The following TGFBR2 variants were observed in gnomAD, a reference collection of about 807,000 sequenced individuals.
TGFBR2 encodes transforming growth factor beta receptor 2, also known as TGF-beta receptor type-2.
Under a neutral mutation model 49.0 loss-of-function variants are expected in TGFBR2, and 18 were observed. The ratio of observed to expected loss-of-function variants is 0.37; its 90% confidence interval spans 0.25 to 0.54. The LOEUF (loss-of-function observed/expected upper bound fraction) is 0.54. TGFBR2 is among the 20% of genes least tolerant of loss of function. The probability of loss-of-function intolerance (pLI) is 0.85; values close to 1 mark genes in which losing one functional copy is unlikely to be tolerated. For synonymous variants in TGFBR2, 282 were observed against 275.9 expected (o/e 1.02, Z -0.22); for missense variants, 525 against 722.6 (o/e 0.73, Z 3.13).
intron 5 of TGFBR2, among the ~76,000 whole-genome samples, chr3:30,675,586 C>T (rs1001405227): frequency 2.0e-5 from 3 of 152,090 alleles, no homozygotes; most frequent in African/African-American, 4.8e-5. Flanking sequence ...AGGGTTACAC[C>T]GTGTTGATCA....
chr3:30,654,449 G>A (rs1698958597), intron 3 of TGFBR2, among the ~76,000 whole-genome samples: 1 of 152,194 alleles, frequency 6.6e-6, no homozygotes, highest in Non-Finnish European at 1.5e-5. Flanking sequence ...ACCAAGGGCA[G>A]GCAGGGGTCA....
At chr3:30,666,632 A>AC (rs1233196050) in intron 3 of TGFBR2, among the ~76,000 whole-genome samples, 10 of 30,390 alleles carry the variant, frequency 3.3e-4, no homozygotes, top group Middle Eastern at 0.02. Context: ...CGCAACCCCT[A>AC]CCCCCCCATC....
chr3:30,614,736 T>G (rs1559446445), intron 1 of TGFBR2, among the ~76,000 whole-genome samples: 1 of 152,146 alleles, frequency 6.6e-6, no homozygotes, highest in Non-Finnish European at 1.5e-5. Flanking sequence ...TTATAAATCC[T>G]CCAGAGTCAA....
intron 1 of TGFBR2, among the ~76,000 whole-genome samples, chr3:30,616,722 A>G (rs1443758115): frequency 6.6e-6 from 1 of 152,218 alleles, no homozygotes; most frequent in Non-Finnish European, 1.5e-5. Flanking sequence ...AAGTCATGAC[A>G]GGTCAGAACT....
At chr3:30,673,182 A>G (rs1273907560) in intron 4 of TGFBR2, among the ~76,000 whole-genome samples, 4 of 152,208 alleles carry the variant, frequency 2.6e-5, no homozygotes, top group Non-Finnish European at 4.4e-5. Context: ...CAGCGCACGC[A>G]GTGTTGAGGT....
intron 3 of TGFBR2, among the ~76,000 whole-genome samples, chr3:30,667,218 A>G (rs1699261779): frequency 6.6e-6 from 1 of 152,238 alleles, no homozygotes; most frequent in Non-Finnish European, 1.5e-5. Flanking sequence ...CCAGGAACTT[A>G]GTAAGTGTTC....
At chr3:30,641,573 G>T (rs78795910) in intron 1 of TGFBR2, among the ~76,000 whole-genome samples, 1,666 of 152,246 alleles carry the variant, frequency 0.011, 32 homozygotes, top group African/African-American at 0.039. Context: ...GTAACAAGGA[G>T]AAAAATGTGG....
intron 1 of TGFBR2, among the ~76,000 whole-genome samples, chr3:30,613,735 C>T (rs1698076499): frequency 6.6e-6 from 1 of 152,132 alleles, no homozygotes. Context: ...TAAAGTTGTA[C>T]CTGGTCTTCC....
intron 5 of TGFBR2, among the ~76,000 whole-genome samples, chr3:30,679,020 A>C (rs1252672343): frequency 6.6e-6 from 1 of 152,188 alleles, no homozygotes; most frequent in Non-Finnish European, 1.5e-5. Flanking sequence ...CATGGATATT[A>C]AGGCTCCAAG....
intron 1 of TGFBR2, among the ~76,000 whole-genome samples, chr3:30,611,048 T>A (rs1037996839): frequency 6.6e-6 from 1 of 152,238 alleles, no homozygotes; most frequent in African/African-American, 2.4e-5. Context: ...TTGAGGTAAA[T>A]GTCTCCTATG....
intron 5 of TGFBR2, among the ~76,000 whole-genome samples, chr3:30,677,288 C>T (rs995760811): frequency 3.3e-5 from 5 of 152,180 alleles, no homozygotes; most frequent in African/African-American, 1.2e-4. Context: ...AACAAGTTTT[C>T]CCAAGGAAGG....
intron 3 of TGFBR2, among the ~76,000 whole-genome samples, chr3:30,660,391 C>T (rs1036446840): frequency 6.6e-6 from 1 of 152,214 alleles, no homozygotes; most frequent in Non-Finnish European, 1.5e-5. Flanking sequence ...CCTGCAGTTT[C>T]TGACTTAATT....
At chr3:30,652,232 G>GTTTTTTTTTTTTTT (rs11386584) in intron 3 of TGFBR2, among the ~76,000 whole-genome samples, 1 of 97,030 alleles carries the variant, frequency 1.0e-5, no homozygotes, top group Non-Finnish European at 1.9e-5. Flanking sequence ...TTTTCTGGTT[G>GTTTTTTTTTTTTTT]TTTTTTTTTT....
intron 1 of TGFBR2, among the ~76,000 whole-genome samples, chr3:30,634,078 C>A (rs1023250124): frequency 6.6e-6 from 1 of 152,172 alleles, no homozygotes; most frequent in African/African-American, 2.4e-5. Flanking sequence ...ACCAGGCATG[C>A]ACAAGAACCC....
chr3:30,613,764 A>G (rs1354464696), intron 1 of TGFBR2, among the ~76,000 whole-genome samples: 2 of 152,146 alleles, frequency 1.3e-5, no homozygotes, highest in African/African-American at 2.4e-5. Flanking sequence ...GAAAAGATAT[A>G]TTTGTCAGTC....
intron 5 of TGFBR2, among the ~76,000 whole-genome samples, chr3:30,675,602 A>C (rs1417792591): frequency 6.6e-6 from 1 of 152,036 alleles, no homozygotes; most frequent in Admixed American, 6.6e-5. Context: ...GATCAGGCTG[A>C]TATCGAACTC....
At chr3:30,642,129 G>A (rs1451304789) in intron 1 of TGFBR2, among the ~76,000 whole-genome samples, 3 of 152,118 alleles carry the variant, frequency 2.0e-5, no homozygotes, top group African/African-American at 4.8e-5. Flanking sequence ...CTATTCTCAC[G>A]TTTCTAAGGT....
At chr3:30,618,104 T>C (rs1232945435) in intron 1 of TGFBR2, among the ~76,000 whole-genome samples, 1 of 152,168 alleles carries the variant, frequency 6.6e-6, no homozygotes, top group African/African-American at 2.4e-5. Context: ...GCAAGTCAAC[T>C]AAATGAGTCA....
chr3:30,659,459 A>G (rs1699073969), intron 3 of TGFBR2, among the ~76,000 whole-genome samples: 1 of 152,122 alleles, frequency 6.6e-6, no homozygotes, highest in Non-Finnish European at 1.5e-5. Context: ...TGCATGATAG[A>G]GGACACTGTG....
Sources: gnomAD v4.1 joint callset for allele counts (sites outside exome capture counted in the v4.1 genomes callset) on GRCh38, gnomAD v4.1.1 for gene constraint, MANE v1.5 for transcripts, NCBI Gene and HGNC (gene_info 2026-07-23, HGNC 2026-07-21) for gene names.